PALD1: variants seen among roughly 807,000 people sequenced by gnomAD.
PALD1 encodes the protein phosphatase domain containing paladin 1.
PALD1 carries 57 observed loss-of-function variants against 96.0 expected under a neutral mutation model. That is an observed-to-expected ratio of 0.59 (90% confidence interval 0.48 to 0.74). The LOEUF (loss-of-function observed/expected upper bound fraction) is 0.74. PALD1 is among the 30% of genes least tolerant of loss of function. PALD1 has a pLI of 0.00. For synonymous variants in PALD1, 464 were observed against 473.6 expected (o/e 0.98, Z 0.26); for missense variants, 1,063 against 1,143.7 (o/e 0.93, Z 1.02).
At chr10:70,507,544 C>A (rs1037000689) in intron 1 of PALD1, among the ~76,000 whole-genome samples, 2 of 152,236 alleles carry the variant, frequency 1.3e-5, no homozygotes, top group Admixed American at 6.5e-5. Flanking sequence ...ACCTTAGCCT[C>A]CCAAGTAGCT....
Position 70,539,434 on chromosome 10 carries a change from G to A in PALD1, c.1726-146G>A, listed in dbSNP as rs907464770. ...GCTCTGCTAACCTGCTTGGCTTTGG[G>A]GGGTGGCTGTGACCCCTGAGGCTTG... On this transcript the variant is annotated intron_variant, in intron 14 of 19. Transcript: ENST00000263563. The surrounding 1 kb of genome is among the most constrained non-coding windows in gnomAD (Gnocchi z 4.5). 42 of 1,011,580 alleles carry A rather than the reference G, an allele frequency of 4.2e-5. No individual in the cohort carries two copies. The African/African-American group carries it at 5.9e-4, about 14-fold the overall frequency. 62.7% of individuals were successfully genotyped at this position (1,011,580 alleles called of 1,614,324 possible).
intron 1 of PALD1, among the ~76,000 whole-genome samples, chr10:70,510,249 C>T (rs183123143): frequency 6.6e-6 from 1 of 152,050 alleles, no homozygotes; most frequent in South Asian, 2.1e-4. Flanking sequence ...GCTTTAGGTA[C>T]CTGGGAGATT....
chr10:70,492,338 C>G (rs1487900828), intron 1 of PALD1, among the ~76,000 whole-genome samples: 2 of 151,624 alleles, frequency 1.3e-5, no homozygotes, highest in Non-Finnish European at 2.9e-5. Context: ...GACCTCTTTA[C>G]ATCCTGCGAT....
intron 17 of PALD1, 51 bp downstream of exon 17, chr10:70,541,585 G>A (rs1299504301): frequency 7.3e-7 from 1 of 1,370,200 alleles, no homozygotes; most frequent in South Asian, 1.2e-5. Flanking sequence ...GGAGGAGGAG[G>A]AGGACTCCTG....
In PALD1 at chr10:70,566,327, G is replaced by C. The variant is rs10999405; in HGVS notation, c.2419-254G>C. Reference sequence around the variant, plus strand: ...CAGTGTGTGCCTGGCCTCCCTCGCTGCTATCTGTGTGGAGCACTCACTGTC... The same window carrying C: ...CAGTGTGTGCCTGGCCTCCCTCGCTCCTATCTGTGTGGAGCACTCACTGTC... On this transcript the variant is annotated intron_variant, in intron 19 of 19. Coordinates refer to ENST00000263563, the MANE Select transcript of PALD1 (RefSeq NM_014431.3). 8.1e-3 allele frequency among the ~76,000 whole-genome samples: 1,236 copies of C among 152,318 alleles called. 14 individuals are homozygous for C. The highest frequency in any genetic ancestry group is 0.028 in the African/African-American group (1,184 of 41,570).
At chr10:70,533,091 C>T in intron 7 of PALD1, 21 bp downstream of exon 7, 1 of 1,558,936 alleles carries the variant, frequency 6.4e-7, no homozygotes, top group Non-Finnish European at 8.7e-7. Flanking sequence ...CACGGGCGCG[C>T]ATGGGGGAGG....
intron 18 of PALD1, among the ~76,000 whole-genome samples, chr10:70,552,355 G>T (rs1378995260): frequency 6.6e-6 from 1 of 152,170 alleles, no homozygotes; most frequent in Non-Finnish European, 1.5e-5. Flanking sequence ...GGGATGGGGG[G>T]TGATGTGGAC....
the PALD1 span, among the ~76,000 whole-genome samples, chr10:70,469,403 G>A: frequency 8.1e-3 from 1,226 of 152,274 alleles, 10 homozygotes; most frequent in Non-Finnish European, 0.012. Context: ...CTAACTGCTG[G>A]ACCGTGAATG....
chr10:70,561,111 G>A (rs1207019458), intron 18 of PALD1, among the ~76,000 whole-genome samples: 1 of 152,168 alleles, frequency 6.6e-6, no homozygotes, highest in Non-Finnish European at 1.5e-5. Flanking sequence ...TGCCAGTAGA[G>A]CTCAGAAGGA....
At chr10:70,536,878 C>T (rs539573036) in intron 10 of PALD1, among the ~76,000 whole-genome samples, 4 of 152,238 alleles carry the variant, frequency 2.6e-5, no homozygotes, top group Non-Finnish European at 4.4e-5. Flanking sequence ...CCTGGAGATC[C>T]GAGGGCCCTT....
intron 6 of PALD1, 53 bp downstream of exon 6, chr10:70,532,834 C>G (rs1172579716): frequency 2.8e-5 from 44 of 1,589,064 alleles, no homozygotes; most frequent in Non-Finnish European, 3.8e-5. Context: ...GTCCTGCTCT[C>G]CAGCTGCAGC....
At chr10:70,464,939 T>TTGTATGTATGTA in the PALD1 span, among the ~76,000 whole-genome samples, 42 of 142,252 alleles carry the variant, frequency 3.0e-4, no homozygotes, top group African/African-American at 5.1e-4. Context: ...CTATGTACAC[T>TTGTATGTATGTA]TGTATGTATG....
intron 1 of PALD1, among the ~76,000 whole-genome samples, chr10:70,522,426 T>C (rs924075078): frequency 6.6e-6 from 1 of 152,126 alleles, no homozygotes; most frequent in Admixed American, 6.5e-5. Context: ...CAGCCCAGCG[T>C]CTGTAGGCAG....
intron 17 of PALD1, among the ~76,000 whole-genome samples, chr10:70,546,763 A>G (rs775138516): frequency 2.0e-5 from 3 of 152,236 alleles, no homozygotes; most frequent in Non-Finnish European, 4.4e-5. Flanking sequence ...TAGCCTGGGC[A>G]ACATGCCAAA....
At chr10:70,553,868 A>G (rs1847534656) in intron 18 of PALD1, among the ~76,000 whole-genome samples, 1 of 152,230 alleles carries the variant, frequency 6.6e-6, no homozygotes, top group Non-Finnish European at 1.5e-5. Context: ...GACCAGGAGA[A>G]GGACAAGGAC....
At chr10:70,490,297 C>T (rs903096188) in intron 1 of PALD1, among the ~76,000 whole-genome samples, 5 of 152,128 alleles carry the variant, frequency 3.3e-5, no homozygotes, top group Non-Finnish European at 5.9e-5. Context: ...TCACGGCTCA[C>T]TGAAGCCTCA....
chr10:70,539,566 C>T lies in PALD1; in HGVS notation c.1726-14C>T, dbSNP rs1260299324. On this transcript the variant is annotated splice_polypyrimidine_tract_variant and intron_variant, in intron 14 of 19. Transcript: ENST00000263563. This position sits in a 1 kb window ranked among gnomAD's most constrained non-coding sequence, Gnocchi z 4.5. Reference sequence around the variant, plus strand: ...GCCCCAGTGGCCTGTGTCCTCCCTCCTGCCCTTGCCCAGACCCTGGAGGCC... The same window carrying T: ...GCCCCAGTGGCCTGTGTCCTCCCTCTTGCCCTTGCCCAGACCCTGGAGGCC... 1.3e-6 allele frequency: 2 copies of T among 1,597,088 alleles called. No homozygotes were observed. The highest frequency in any genetic ancestry group is 8.5e-7 in the Non-Finnish European group (1 of 1,170,232).
At chr10:70,482,428 T>C (rs908929512) in intron 1 of PALD1, among the ~76,000 whole-genome samples, 14 of 152,122 alleles carry the variant, frequency 9.2e-5, no homozygotes, top group Non-Finnish European at 1.6e-4. Flanking sequence ...AGATGGACTT[T>C]TTATGTTTCC....
At chr10:70,532,588 C>A in intron 5 of PALD1, 33 bp from the exon 6 acceptor site, 1 of 1,604,858 alleles carries the variant, frequency 6.2e-7, no homozygotes, top group Non-Finnish European at 8.5e-7. Context: ...GAAGTTCAGG[C>A]CATGGCCCTC....
Sources: allele counts gnomAD v4.1 joint callset (sites outside exome capture counted in the v4.1 genomes callset), GRCh38; gene constraint gnomAD v4.1.1; non-coding constraint Gnocchi (gnomAD v3.1); transcripts MANE v1.5; gene names NCBI Gene and HGNC (gene_info 2026-07-23, HGNC 2026-07-21).